Variants in UBE2H observed in about 807,000 individuals in gnomAD.
UBE2H encodes the protein ubiquitin-conjugating enzyme E2 H.
A neutral mutation model predicts 29.0 loss-of-function variants in UBE2H; 3 were observed. That is an observed-to-expected ratio of 0.10 (90% CI 0.05 to 0.27). UBE2H has a LOEUF of 0.27. Ranked by LOEUF, UBE2H falls within the 10% of genes least tolerant of loss-of-function variation. UBE2H has a pLI of 1.00. For synonymous variants in UBE2H, 69 were observed against 82.9 expected, an observed-to-expected ratio of 0.83 and a Z score of 0.91; for missense variants, 68 against 228.2, an observed-to-expected ratio of 0.30 and a Z score of 4.52.
intron 5 of UBE2H, among the ~76,000 whole-genome samples, chr7:129,852,448 C>A (rs1268429257): frequency 1.3e-5 from 2 of 149,096 alleles, no homozygotes; most frequent in Admixed American, 1.3e-4. Flanking sequence ...GCCTGGGCGA[C>A]AGAGCGAGAC....
intron 1 of UBE2H, among the ~76,000 whole-genome samples, chr7:129,931,342 C>G (rs943745673): frequency 1.3e-5 from 2 of 151,048 alleles, no homozygotes; most frequent in East Asian, 1.9e-4. Flanking sequence ...GAGCTGAGAT[C>G]ACGCCATGGC....
At position 129,952,688 on chromosome 7, in the gene UBE2H, A is replaced by AGCCGCC; in HGVS notation, c.-139_-134dup. On this transcript the variant is annotated 5_prime_UTR_variant, in exon 1 of 7. Coordinates refer to ENST00000355621, the MANE Select transcript of UBE2H (RefSeq NM_003344.4). The stretch of plus-strand genomic sequence containing the variant: ...CCCCCGCGGTCCCGGCGGTCCCGTC[A>AGCCGCC]GCCGCCGCCGCCGCCCCCCGCACGG... 3 of 1,035,584 alleles carry AGCCGCC rather than the reference A, an allele frequency of 2.9e-6. No homozygotes were observed. The highest frequency in any genetic ancestry group is 2.2e-5 in the South Asian group (1 of 45,708). The allele number at this position is 1,035,584 out of a possible 1,614,324, so 64.1% of individuals were successfully genotyped here. A position where few individuals can be genotyped will look rare whatever the true frequency, so the allele number is the denominator to read the frequency against.
At chr7:129,945,108 G>C (rs952358386) in intron 1 of UBE2H, among the ~76,000 whole-genome samples, 2 of 150,236 alleles carry the variant, frequency 1.3e-5, no homozygotes, top group African/African-American at 4.8e-5. Context: ...TCAATGGTTG[G>C]AAGGGAGGGA....
chr7:129,913,796 T>C (rs909697304), intron 1 of UBE2H, among the ~76,000 whole-genome samples: 3 of 151,484 alleles, frequency 2.0e-5, no homozygotes, highest in Non-Finnish European at 4.4e-5. Flanking sequence ...AGCCAGACCC[T>C]GTCTCTCAAG....
At chr7:129,869,030 G>C (rs1195116445) in intron 3 of UBE2H, among the ~76,000 whole-genome samples, 1 of 151,576 alleles carries the variant, frequency 6.6e-6, no homozygotes, top group Non-Finnish European at 1.5e-5. Context: ...TCTGCCTCCG[G>C]GGTTCAAGTG....
intron 1 of UBE2H, among the ~76,000 whole-genome samples, chr7:129,891,786 C>A (rs1037226831): frequency 5.8e-5 from 8 of 138,326 alleles, no homozygotes; most frequent in Non-Finnish European, 1.1e-4. Context: ...GGTTACAGAG[C>A]GAGATTGTCT....
Position 129,839,310 on chromosome 7 carries a change from G to A in UBE2H, c.324C>T (p.Phe108=), listed in dbSNP as rs763888492. 38 of 1,613,718 alleles carry A rather than the reference G, an allele frequency of 2.4e-5. No homozygotes were observed. Among genetic ancestry groups the A allele is most frequent in the Non-Finnish European group, 3.2e-5 (38 of 1,179,888 alleles). The stretch of plus-strand genomic sequence containing the variant: ...TAGGATAGGCCAATAACTGAGGCAG[G>A]AAGGACTCAAATATATTGGTAAGAT... ...LYDLTNIFES[F]LPQLLAYPNP... is the part of the protein sequence containing the mutation. The change falls in exon 6 of 7, where the codon TTC becomes TTT. Residue 108 remains phenylalanine, a synonymous_variant. Coordinates refer to ENST00000355621, the MANE Select transcript of UBE2H (RefSeq NM_003344.4).
At chr7:129,896,810 C>T (rs1448355489) in intron 1 of UBE2H, among the ~76,000 whole-genome samples, 1 of 152,194 alleles carries the variant, frequency 6.6e-6, no homozygotes, top group African/African-American at 2.4e-5. Flanking sequence ...GCACAAAAAT[C>T]TCTATTCACA....
At chr7:129,919,290 C>G (rs1343839921) in intron 1 of UBE2H, among the ~76,000 whole-genome samples, 2 of 152,058 alleles carry the variant, frequency 1.3e-5, no homozygotes, top group Non-Finnish European at 2.9e-5. Context: ...GAAATTAAGA[C>G]AAAAACTTGA....
intron 1 of UBE2H, among the ~76,000 whole-genome samples, chr7:129,913,957 G>A (rs902740314): frequency 6.6e-6 from 1 of 152,086 alleles, no homozygotes; most frequent in African/African-American, 2.4e-5. Flanking sequence ...AGAACAAATG[G>A]AATCTGGACA....
chr7:129,872,130 C>G (rs531797620), intron 3 of UBE2H, among the ~76,000 whole-genome samples: 1 of 152,156 alleles, frequency 6.6e-6, no homozygotes, highest in African/African-American at 2.4e-5. Flanking sequence ...GCTGGTATTA[C>G]GGGCATGAGT....
At chr7:129,942,005 T>C (rs564687905) in intron 1 of UBE2H, among the ~76,000 whole-genome samples, 7 of 146,852 alleles carry the variant, frequency 4.8e-5, no homozygotes, top group African/African-American at 1.8e-4. Flanking sequence ...AGCCCAGGAG[T>C]TGGAGACCAG....
chr7:129,838,123 C>T (rs1805364298), intron 6 of UBE2H, among the ~76,000 whole-genome samples: 1 of 152,148 alleles, frequency 6.6e-6, no homozygotes, highest in Non-Finnish European at 1.5e-5. Context: ...TACATGTTTG[C>T]TTAGCTATAT....
Position 129,901,448 on chromosome 7 carries a change from C to T in UBE2H, c.54-20477G>A, listed in dbSNP as rs1267609983. Among the ~76,000 whole-genome samples the T allele has an allele frequency of 2.6e-5, 4 of 152,044 alleles. No homozygotes were observed. In the East Asian group the frequency reaches 7.7e-4, roughly 29 times the overall value. Reference sequence around the variant, plus strand: ...AGGGAGATGCTGGTGGGATAGAGGTCGGTGGGGGCTAATGCACAGACAGGT... The same window carrying T: ...AGGGAGATGCTGGTGGGATAGAGGTTGGTGGGGGCTAATGCACAGACAGGT... On this transcript the variant is annotated intron_variant, in intron 1 of 6. Transcript: ENST00000355621.
intron 1 of UBE2H, among the ~76,000 whole-genome samples, chr7:129,932,325 G>A (rs1212740307): frequency 6.7e-6 from 1 of 149,384 alleles, no homozygotes; most frequent in African/African-American, 2.5e-5. Context: ...GGGTTTCACT[G>A]TGTTAGCCAG....
chr7:129,910,785 G>A (rs1806919194), intron 1 of UBE2H, among the ~76,000 whole-genome samples: 1 of 152,188 alleles, frequency 6.6e-6, no homozygotes, highest in Admixed American at 6.5e-5. Context: ...GGAAGGCTGA[G>A]GCAGGAGAAT....
chr7:129,929,135 A>G (rs1361834628), intron 1 of UBE2H, among the ~76,000 whole-genome samples: 1 of 152,244 alleles, frequency 6.6e-6, no homozygotes, highest in East Asian at 1.9e-4. Flanking sequence ...CCTGAACAAC[A>G]TGGAGAAACC....
chr7:129,951,724 A>G (rs1186930335), intron 1 of UBE2H, among the ~76,000 whole-genome samples: 1 of 152,168 alleles, frequency 6.6e-6, no homozygotes, highest in Non-Finnish European at 1.5e-5. Flanking sequence ...TCACAGAGGA[A>G]GTTTTGCCCA....
chr7:129,850,611 T>C (rs1409977037), intron 5 of UBE2H, among the ~76,000 whole-genome samples: 1 of 151,566 alleles, frequency 6.6e-6, no homozygotes, highest in Non-Finnish European at 1.5e-5. Context: ...AGGTCAGGAG[T>C]TCAAGACCAG....
Sources: allele counts gnomAD v4.1 joint callset (sites outside exome capture counted in the v4.1 genomes callset), GRCh38; gene constraint gnomAD v4.1.1; transcripts MANE v1.5; gene names NCBI Gene and HGNC (gene_info 2026-07-23, HGNC 2026-07-21).